Variants in NCF4 observed in about 807,000 individuals in gnomAD.
NCF4 encodes neutrophil cytosolic factor 4.
Under a neutral mutation model 41.7 loss-of-function variants are expected in NCF4, and 30 were observed. The observed-to-expected ratio is 0.72, with a 90% CI of 0.54 to 0.97. The LOEUF (loss-of-function observed/expected upper bound fraction) is 0.97. Ranked by LOEUF, NCF4 falls within the 50% of genes least tolerant of loss-of-function variation. The pLI is 0.00. For missense variants in NCF4, 432 were observed against 460.9 expected (o/e 0.94, Z 0.57); for synonymous variants, 195 against 175.8 (o/e 1.11, Z -0.87).
In NCF4 at chr22:36,867,443, C is replaced by A. The variant is rs1219365232; in HGVS notation, c.323C>A (p.Ala108Asp). The stretch of plus-strand genomic sequence containing the variant: ...GAGATCGCCGAGATGCGGATACCTG[C>A]CCTCAACGCCTACATGAAGGTACCA... Reference protein sequence around the residue: ...KQEIAEMRIPALNAYMKSLLS... With the variant: ...KQEIAEMRIPDLNAYMKSLLS... The change falls in exon 4 of 10, where the codon GCC becomes GAC. Residue 108 changes from alanine to aspartate, a missense_variant. Transcript: ENST00000248899. The A allele has an allele frequency of 6.2e-7, 1 of 1,614,186 alleles. No homozygotes were observed. Among genetic ancestry groups the A allele is most frequent in the Admixed American group, 1.7e-5 (1 of 60,026 alleles).
chr22:36,862,232 T>G (rs1939791005), intron 1 of NCF4, among the ~76,000 whole-genome samples: 1 of 152,174 alleles, frequency 6.6e-6, no homozygotes, highest in Admixed American at 6.5e-5. Context: ...CAGGCCAGGC[T>G]GGTGTGTGCC....
intron 3 of NCF4, among the ~76,000 whole-genome samples, chr22:36,866,227 C>T (rs1292236568): frequency 6.6e-6 from 1 of 152,076 alleles, no homozygotes; most frequent in East Asian, 1.9e-4. Context: ...CTCTCCTTAA[C>T]TCCTCAGCTT....
intron 1 of NCF4, among the ~76,000 whole-genome samples, chr22:36,861,579 T>G (rs1179087318): frequency 6.6e-6 from 1 of 152,218 alleles, no homozygotes; most frequent in Admixed American, 6.5e-5. Flanking sequence ...GAATCTGGCT[T>G]GTTCTTCCGC....
rs562129519 is a variant in NCF4 at position 36,877,946 on chromosome 22, G to A, written c.*123G>A. The A allele has an allele frequency of 8.0e-5, 74 of 925,322 alleles. No homozygotes were observed. The highest frequency in any genetic ancestry group is 1.1e-4 in the Non-Finnish European group (68 of 610,786). The allele number at this position is 925,322 out of a possible 1,614,324, so 57.3% of individuals were successfully genotyped here. ...TCCTGTCTTTGAGGCTAATGGACCC[G>A]TGGGGCTTGTAATCTGTCTCTTTCT... On this transcript the variant is annotated 3_prime_UTR_variant, in exon 10 of 10. Transcript: ENST00000248899.
rs141914454 is a variant in NCF4, at chr22:36,875,821, C to T, written c.758+38C>T. ...GGAGGGAGGGGCCTGTCCAGCCTTC[C>T]TGCCATCCCTACGACCACTGCCCCT... On this transcript the variant is annotated intron_variant, in intron 8 of 9. Transcript: ENST00000248899. The T allele has an allele frequency of 8.1e-6, 13 of 1,614,050 alleles. No homozygotes were observed. The African/African-American group carries it at 1.1e-4, about 13-fold the overall frequency.
At chr22:36,876,632 C>T (rs1361050758) in intron 9 of NCF4, among the ~76,000 whole-genome samples, 2 of 152,208 alleles carry the variant, frequency 1.3e-5, no homozygotes, top group Admixed American at 6.5e-5. Flanking sequence ...CACACATGCA[C>T]ACACAAAAGT....
chr22:36,869,896 G>T (rs1351250365), intron 4 of NCF4, among the ~76,000 whole-genome samples: 3 of 152,144 alleles, frequency 2.0e-5, no homozygotes, highest in Non-Finnish European at 4.4e-5. Flanking sequence ...GTTAATTTGG[G>T]TTATTTTGGG....
chr22:36,867,538 G>A (rs1939957605), intron 4 of NCF4, 76 bp downstream of exon 4: 6 of 1,514,906 alleles, frequency 4.0e-6, no homozygotes, highest in Non-Finnish European at 5.5e-6. Flanking sequence ...ACCATCCCTG[G>A]GTATGGCTTT....
chr22:36,866,095 G>T (rs1484811653), intron 3 of NCF4, among the ~76,000 whole-genome samples: 2 of 152,082 alleles, frequency 1.3e-5, no homozygotes, highest in Non-Finnish European at 1.5e-5. Context: ...AAACAATCCT[G>T]AGCCATGAAA....
intron 9 of NCF4, among the ~76,000 whole-genome samples, chr22:36,877,137 C>CTTCTCCTTT (rs1425603632): frequency 6.6e-6 from 1 of 151,638 alleles, no homozygotes; most frequent in Non-Finnish European, 1.5e-5. Flanking sequence ...GTCTCTTCTC[C>CTTCTCCTTT]TTCTCCTTTT....
At position 36,875,946 on chromosome 22, in the gene NCF4, T is replaced by C. The variant is rs1324623407; in HGVS notation, c.759-83T>C. ...CAAGCCATCAACGTCCAGGGTGGCC[T>C]GGCCAGCCTCATTCCCCTTTCCCCC... On this transcript the variant is annotated intron_variant, in intron 8 of 9. Transcript: ENST00000248899. The C allele has an allele frequency of 5.6e-6, 9 of 1,614,160 alleles. No homozygotes were observed. In the Admixed American group the frequency reaches 1.5e-4, roughly 27 times the overall value.
intron 4 of NCF4, 130 bp from the exon 5 acceptor site, chr22:36,870,285 T>G: frequency 7.7e-7 from 1 of 1,302,222 alleles, no homozygotes; most frequent in Non-Finnish European, 1.1e-6. Flanking sequence ...AACGCATTTC[T>G]GTTATCAGGC....
rs1956929605 is a variant in NCF4 at position 36,865,906 on chromosome 22, A to T, written c.271+834A>T. Among the ~76,000 whole-genome samples the T allele has an allele frequency of 6.6e-6, 1 of 151,982 alleles. No homozygotes were observed. The highest frequency in any genetic ancestry group is 1.5e-5 in the Non-Finnish European group (1 of 67,956). ...CACCAAGGAACTTGAAGCTCCCCCT[A>T]GGAGTCTTGCCTACTCTAAGCCAGC... On this transcript the variant is annotated intron_variant, in intron 3 of 9. Transcript: ENST00000248899. The surrounding 1 kb of genome is among the most constrained non-coding windows in gnomAD (Gnocchi z 4.3).
At chr22:36,870,226 C>T in intron 4 of NCF4, 189 bp from the exon 5 acceptor site, 1 of 797,402 alleles carries the variant, frequency 1.3e-6, no homozygotes, top group South Asian at 1.6e-5. Flanking sequence ...AGGAGCAGAG[C>T]TTGTGAAGTG....
At position 36,871,686 on chromosome 22, in the gene NCF4, C is replaced by T. The variant is rs1422597452; in HGVS notation, c.505C>T (p.Arg169Cys). ...GTCCCCACAGGGCAACAGCGTTGAC[C>T]GCATGGCAGCTCCGAGAGCAGAGGT... Reference protein sequence around the residue: ...SVSPQGNSVDRMAAPRAEALF... With the variant: ...SVSPQGNSVDCMAAPRAEALF... Residue 169 changes from arginine to cysteine, a missense_variant, in exon 6 of 10, where the codon CGC (arginine) becomes TGC (cysteine). Coordinates refer to ENST00000248899, the MANE Select transcript of NCF4 (RefSeq NM_000631.5). The T allele has an allele frequency of 5.7e-6, 9 of 1,569,950 alleles. No individual in the cohort carries two copies. The highest frequency in any genetic ancestry group is 4.7e-5 in the East Asian group (2 of 42,730).
chr22:36,863,414 G>A (rs929314276), intron 1 of NCF4, among the ~76,000 whole-genome samples: 5 of 151,292 alleles, frequency 3.3e-5, no homozygotes, highest in Non-Finnish European at 5.9e-5. Flanking sequence ...CCTATGCCTC[G>A]AGCATCTGCC....
rs770577417 is a variant in NCF4 at position 36,870,514 on chromosome 22, C to T, written c.442C>T (p.Arg148Cys). ...CTCAGAGCAGGTGCCCCAGGCACTC[C>T]GCCGGCTCCGCCCGCGCACCCGGAA... Reference protein sequence around the residue: ...YDSEQVPQALRRLRPRTRKVK... With the variant: ...YDSEQVPQALCRLRPRTRKVK... The change falls in exon 5 of 10, where the codon CGC becomes TGC. Residue 148 changes from arginine to cysteine, a missense_variant. By Grantham distance (180) the Arg-to-Cys change is radical. Transcript: ENST00000248899. 5.1e-5 allele frequency: 83 copies of T among 1,613,148 alleles called. No homozygotes were observed. The highest frequency in any genetic ancestry group is 6.5e-5 in the Non-Finnish European group (77 of 1,180,022).
chr22:36,870,592 G>C, intron 5 of NCF4, 50 bp downstream of exon 5: 2 of 1,599,432 alleles, frequency 1.3e-6, no homozygotes, highest in Non-Finnish European at 1.7e-6. Context: ...CTGGGTCCCT[G>C]CTGGAAAAGC....
At chr22:36,866,010 G>A (rs1244657082) in intron 3 of NCF4, among the ~76,000 whole-genome samples, 1 of 151,654 alleles carries the variant, frequency 6.6e-6, no homozygotes, top group East Asian at 1.9e-4. Context: ...CCTTTTCCTT[G>A]TATATTCATC....
Sources: gnomAD v4.1 joint callset for allele counts (sites outside exome capture counted in the v4.1 genomes callset) on GRCh38, gnomAD v4.1.1 for gene constraint, Gnocchi (gnomAD v3.1) non-coding constraint, MANE v1.5 for transcripts, NCBI Gene and HGNC (gene_info 2026-07-23, HGNC 2026-07-21) for gene names.